HECW1: variants seen among roughly 807,000 people sequenced by gnomAD.
The protein encoded by HECW1 is E3 ubiquitin-protein ligase HECW1.
HECW1 carries 61 observed loss-of-function variants against 182.3 expected under a neutral mutation model. That is an observed-to-expected ratio of 0.33 (90% CI 0.27 to 0.41). The LOEUF (loss-of-function observed/expected upper bound fraction) is 0.41, where lower values mean the gene tolerates loss of function less well. Ranked by LOEUF, HECW1 falls within the 10% of genes least tolerant of loss-of-function variation. The pLI, the probability that HECW1 is intolerant of heterozygous loss-of-function variation, is 1.00. For synonymous variants in HECW1, 859 were observed against 832.6 expected (o/e 1.03, Z -0.55); for missense variants, 1,739 against 2,108.9 (o/e 0.82, Z 3.44).
At chr7:43,338,599 A>G (rs532298334) in intron 5 of HECW1, among the ~76,000 whole-genome samples, 58 of 152,282 alleles carry the variant, frequency 3.8e-4, no homozygotes, top group Middle Eastern at 3.4e-3. Flanking sequence ...TCCTCTAAGC[A>G]GTTTTTATTT....
chr7:43,467,141 G>T (rs554911400), intron 15 of HECW1, among the ~76,000 whole-genome samples: 17 of 152,046 alleles, frequency 1.1e-4, no homozygotes, highest in Non-Finnish European at 1.6e-4. Context: ...TCAGATCTAG[G>T]TGCTGGAGTC....
intron 2 of HECW1, among the ~76,000 whole-genome samples, chr7:43,169,881 A>G (rs1016551028): frequency 1.3e-5 from 2 of 151,880 alleles, no homozygotes; most frequent in African/African-American, 2.4e-5. Flanking sequence ...CCAGGAGACA[A>G]TCCCCTACCT....
At position 43,243,779 on chromosome 7, in the gene HECW1, G is replaced by A. The variant is rs182901260; in HGVS notation, c.-31-96G>A. 2.2e-3 allele frequency: 2,111 copies of A among 943,302 alleles called. 3 individuals carry two copies. The highest frequency in any genetic ancestry group is 3.0e-3 in the Non-Finnish European group (1,748 of 573,604). The allele number at this position is 943,302 out of a possible 1,614,324, so 58.4% of individuals were successfully genotyped here. ...GGTTGCCCAGGCCAGGTATCTTGGCGGGGGTGGGGGAAACAATGTTGTTTG... is the reference window on the plus strand; with the variant it reads ...GGTTGCCCAGGCCAGGTATCTTGGCAGGGGTGGGGGAAACAATGTTGTTTG... On this transcript the variant is annotated intron_variant, in intron 2 of 29. Transcript: ENST00000395891. This position sits in a 1 kb window ranked among gnomAD's most constrained non-coding sequence, Gnocchi z 4.0.
chr7:43,500,627 G>C, intron 19 of HECW1, 72 bp from the exon 20 acceptor site: 1 of 1,163,450 alleles, frequency 8.6e-7, no homozygotes, highest in Non-Finnish European at 1.3e-6. Context: ...GGAAATAAGA[G>C]ATCAGAAGAA....
At chr7:43,410,289 T>C (rs1199207413) in intron 8 of HECW1, among the ~76,000 whole-genome samples, 3 of 152,190 alleles carry the variant, frequency 2.0e-5, no homozygotes, top group Non-Finnish European at 4.4e-5. Flanking sequence ...TGAGGGCCTC[T>C]TTGGGGATGC....
intron 21 of HECW1, among the ~76,000 whole-genome samples, chr7:43,506,911 ACAAAAAAAAT>A (rs2079599093): frequency 1.3e-5 from 2 of 152,128 alleles, no homozygotes; most frequent in Admixed American, 1.3e-4. Context: ...TACTAAAAAT[ACAAAAAAAAT>A]CAGCCAGGTA....
intron 2 of HECW1, among the ~76,000 whole-genome samples, chr7:43,198,313 C>G (rs748189432): frequency 1.1e-4 from 16 of 150,462 alleles, no homozygotes; most frequent in Non-Finnish European, 1.9e-4. Flanking sequence ...TCACCCTACA[C>G]TGTCACTTAC....
chr7:43,508,785 T>C, intron 23 of HECW1, 184 bp from the exon 24 acceptor site: 1 of 638,528 alleles, frequency 1.6e-6, no homozygotes, highest in South Asian at 2.0e-5. Context: ...TCCAAACCAA[T>C]TACTGCATCC....
At chr7:43,354,189 A>AT (rs912026975) in intron 5 of HECW1, among the ~76,000 whole-genome samples, 5 of 114,890 alleles carry the variant, frequency 4.4e-5, no homozygotes, top group Non-Finnish European at 6.8e-5. Flanking sequence ...TCCAATAATA[A>AT]AAAAAAAAAA....
chr7:43,404,679 G>A (rs774427976), intron 7 of HECW1, among the ~76,000 whole-genome samples: 1 of 152,100 alleles, frequency 6.6e-6, no homozygotes, highest in Non-Finnish European at 1.5e-5. Flanking sequence ...TAACAGATTG[G>A]TTAAAAGCAC....
chr7:43,403,611 T>C (rs10238217), intron 7 of HECW1, among the ~76,000 whole-genome samples: 25,139 of 152,116 alleles, frequency 0.17, 2,400 homozygotes, highest in African/African-American at 0.24. Context: ...AAATAATCCT[T>C]ATGCCAAAGT....
Position 43,562,324 on chromosome 7 carries a change from C to T in HECW1, c.*398C>T, listed in dbSNP as rs991675279. On this transcript the variant is annotated 3_prime_UTR_variant, in exon 30 of 30. Coordinates refer to ENST00000395891, the MANE Select transcript of HECW1 (RefSeq NM_015052.5). ...GTGAGCATTAAGCACTCCAGGCTTT[C>T]ATATGCCCATGTCTTCTGAGCAGAG... is the stretch of plus-strand genomic sequence containing the variant. The T allele has an allele frequency of 4.2e-6, 1 of 236,852 alleles. No individual in the cohort carries two copies. The highest frequency in any genetic ancestry group is 8.3e-6 in the Non-Finnish European group (1 of 120,636). 14.7% of individuals were successfully genotyped at this position (236,852 alleles called of 1,614,324 possible). A position where few individuals can be genotyped will look rare whatever the true frequency, so the allele number is the denominator to read the frequency against.
In HECW1 at chr7:43,501,200, T is replaced by C. The variant is rs777285290; in HGVS notation, c.3522-13T>C. Reference sequence around the variant, plus strand: ...TTTTCTTTCTTTTTTTTTTTTTTTTTTTTCATATGCAGTCTCTTTGAAGAA... The same window carrying C: ...TTTTCTTTCTTTTTTTTTTTTTTTTCTTTCATATGCAGTCTCTTTGAAGAA... On this transcript the variant is annotated splice_polypyrimidine_tract_variant and intron_variant, in intron 20 of 29. Transcript: ENST00000395891. 4 of 1,250,378 alleles carry C rather than the reference T, an allele frequency of 3.2e-6. No individual in the cohort carries two copies. Among genetic ancestry groups the C allele is most frequent in the Non-Finnish European group, 4.5e-6 (4 of 890,662 alleles). 77.5% of individuals were successfully genotyped at this position (1,250,378 alleles called of 1,614,324 possible).
chr7:43,529,311 A>G (rs535520756), intron 24 of HECW1, among the ~76,000 whole-genome samples: 7 of 151,936 alleles, frequency 4.6e-5, no homozygotes, highest in Non-Finnish European at 1.0e-4. Context: ...CTGCACACCC[A>G]ATTCCCTCCC....
At chr7:43,310,067 T>C (rs1808308834) in intron 3 of HECW1, among the ~76,000 whole-genome samples, 1 of 152,238 alleles carries the variant, frequency 6.6e-6, no homozygotes, top group African/African-American at 2.4e-5. Context: ...TGCCTCAGCT[T>C]TGATTATGGT....
intron 2 of HECW1, among the ~76,000 whole-genome samples, chr7:43,168,546 GCTA>G (rs150627992): frequency 0.021 from 3,132 of 152,210 alleles, 101 homozygotes; most frequent in African/African-American, 0.072. Flanking sequence ...TGAGGTCCCA[GCTA>G]CTCAGGAGAC....
chr7:43,274,571 A>G, intron 3 of HECW1: 1 of 502,970 alleles, frequency 2.0e-6, no homozygotes, highest in Non-Finnish European at 3.8e-6. Context: ...GAGGCCCAAC[A>G]TCTTCTTTTA....
intron 29 of HECW1, among the ~76,000 whole-genome samples, chr7:43,555,899 T>A (rs2082002381): frequency 1.2e-5 from 1 of 85,496 alleles, no homozygotes; most frequent in Non-Finnish European, 2.3e-5. Context: ...GAATTTGCAT[T>A]TGTTAAGTTG....
At chr7:43,536,833 G>A (rs2081193600) in intron 24 of HECW1, among the ~76,000 whole-genome samples, 2 of 152,236 alleles carry the variant, frequency 1.3e-5, no homozygotes, top group South Asian at 2.1e-4. Flanking sequence ...CAACTCCTCC[G>A]CGAGGCCCCT....
Sources: gnomAD v4.1 joint callset for allele counts (sites outside exome capture counted in the v4.1 genomes callset) on GRCh38, gnomAD v4.1.1 for gene constraint, Gnocchi (gnomAD v3.1) non-coding constraint, MANE v1.5 for transcripts, NCBI Gene and HGNC (gene_info 2026-07-23, HGNC 2026-07-21) for gene names.